The following FDFT1 variants were observed in gnomAD, a reference collection of about 807,000 sequenced individuals.
FDFT1 encodes farnesyl-diphosphate farnesyltransferase 1, also known as squalene synthase.
FDFT1 carries 68 observed loss-of-function variants against 46.8 expected under a neutral mutation model. That is an observed-to-expected ratio of 1.45 (90% confidence interval 1.19 to 1.78). FDFT1 has a LOEUF of 1.78. Ranked by LOEUF, FDFT1 falls within the 40% of genes most tolerant of loss-of-function variation. FDFT1 has a pLI of 0.00. For synonymous variants in FDFT1, 351 were observed against 185.1 expected (o/e 1.90, Z -7.28); for missense variants, 928 against 524.4 (o/e 1.77, Z -7.52).
chr8:11,802,921 A>C lies in FDFT1; in HGVS notation c.89A>C (p.Lys30Thr), dbSNP rs796422642. ...RIGGKRKVMP[K>T]MDQDSLSSSL... ...GGGGGCAAGCGGAAGGTGATGCCCA[A>C]GATGGACCAGGTGGGCCGAGCCTCC... The change falls in exon 1 of 8, where the codon AAG (lysine) becomes ACG (threonine). Residue 30 changes from lysine to threonine, a missense_variant. Transcript: ENST00000220584. 14 of 1,608,436 alleles carry C rather than the reference A, an allele frequency of 8.7e-6. No homozygotes were observed. The highest frequency in any genetic ancestry group is 8.0e-5 in the African/African-American group (6 of 74,820).
chr8:11,805,997 A>G (rs920090834), intron 1 of FDFT1, among the ~76,000 whole-genome samples: 1 of 152,280 alleles, frequency 6.6e-6, no homozygotes, highest in East Asian at 1.9e-4. Context: ...ATGTAAATTT[A>G]TGTAAATTCA....
At chr8:11,814,593 C>G (rs961250152) in intron 3 of FDFT1, among the ~76,000 whole-genome samples, 2 of 152,054 alleles carry the variant, frequency 1.3e-5, no homozygotes, top group Admixed American at 1.3e-4. Flanking sequence ...TTTTGCTAAC[C>G]TATAAACAAT....
chr8:11,819,777 C>T (rs760168809), intron 3 of FDFT1, among the ~76,000 whole-genome samples: 18 of 152,030 alleles, frequency 1.2e-4, no homozygotes, highest in Non-Finnish European at 1.0e-4. Flanking sequence ...AGTTTCCTTG[C>T]GATCGGTCAG....
At chr8:11,816,910 T>C (rs1020790552) in intron 3 of FDFT1, among the ~76,000 whole-genome samples, 1 of 152,212 alleles carries the variant, frequency 6.6e-6, no homozygotes, top group Non-Finnish European at 1.5e-5. Flanking sequence ...CTGTGTTGAA[T>C]AGGAGTGGTG....
In FDFT1 at chr8:11,811,459, AGC is replaced by A. The variant is rs1278653012; in HGVS notation, c.381+1610_381+1611del. Among the ~76,000 whole-genome samples the A allele has an allele frequency of 4.0e-4, 61 of 152,360 alleles. No individual in the cohort carries two copies. In the East Asian group the frequency reaches 9.1e-3, roughly 23 times the overall value. On this transcript the variant is annotated intron_variant, in intron 3 of 7. Transcript: ENST00000220584. ...GTGTTAGGTATTGCTAAGTCAAGGC[AGC>A]CCTATCCCCTCAGCAGAAGTGAGGG... is the stretch of plus-strand genomic sequence containing the variant.
rs144241628 is a variant in FDFT1, at chr8:11,808,799, G to C, written c.105G>C (p.Ser35=). ...RKVMPKMDQD[S]LSSSLKTCYK... The stretch of plus-strand genomic sequence containing the variant: ...TGTGTGTTGTCTGCCCGCAGGACTC[G>C]CTCAGCAGCAGCCTGAAAACTTGCT... Residue 35 remains serine, a synonymous_variant, in exon 2 of 8, where the codon TCG becomes TCC. Transcript: ENST00000220584. 1.2e-5 allele frequency: 20 copies of C among 1,613,338 alleles called. No homozygotes were observed. Among genetic ancestry groups the C allele is most frequent in the East Asian group, 1.1e-4 (5 of 44,872 alleles).
intron 2 of FDFT1, 44 bp from the exon 3 acceptor site, chr8:11,809,623 T>C: frequency 2.0e-6 from 3 of 1,520,840 alleles, no homozygotes; most frequent in Non-Finnish European, 2.7e-6. Context: ...AAAAAATCTT[T>C]GGCTGTTTGT....
chr8:11,802,576 T>A (rs946292863), upstream of FDFT1: 6 of 620,940 alleles, frequency 9.7e-6, no homozygotes, highest in African/African-American at 1.8e-5. Context: ...CGCGACTGAT[T>A]GGCCGGGGTC....
upstream of FDFT1, chr8:11,802,719 C>T: frequency 2.5e-6 from 2 of 800,696 alleles, no homozygotes; most frequent in East Asian, 2.7e-5. Flanking sequence ...ACTAGGCCTG[C>T]CCCCTGTCCG....
At chr8:11,799,636 C>T (rs975235331), upstream of FDFT1, among the ~76,000 whole-genome samples, 43 of 152,202 alleles carry the variant, frequency 2.8e-4, no homozygotes, top group African/African-American at 9.2e-4. Context: ...AATGCTTTTT[C>T]CCTGGTGCTG....
rs771629673 is a variant in FDFT1 at position 11,838,589 on chromosome 8, G to A, written c.1234G>A (p.Val412Ile). The part of the protein sequence containing the change: ...TTLSQVTEDY[V>I]QTGEH ...TCTCTCCCAGGTAACAGAAGACTAT[G>A]TTCAGACTGGAGAACACTGATCCCA... The change falls in exon 8 of 8, where the codon GTT becomes ATT. Residue 412 changes from valine (V) to isoleucine (I), a missense_variant. Val to Ile is a conservative substitution (Grantham distance 29). Coordinates refer to ENST00000220584, the MANE Select transcript of FDFT1 (RefSeq NM_004462.5). 5 of 1,613,822 alleles carry A rather than the reference G, an allele frequency of 3.1e-6. No individual in the cohort carries two copies. Among genetic ancestry groups the A allele is most frequent in the Admixed American group, 1.7e-5 (1 of 59,986 alleles).
At chr8:11,830,450 C>T (rs2294137) in intron 6 of FDFT1, 30 bp downstream of exon 6, 352,521 of 1,540,766 alleles carry the variant, frequency 0.23, 49,452 homozygotes, top group East Asian at 0.76. Flanking sequence ...TGGGTGGATA[C>T]GGGGCTAAAG....
intron 1 of FDFT1, among the ~76,000 whole-genome samples, chr8:11,796,494 C>G (rs1048774477): frequency 3.3e-5 from 5 of 152,156 alleles, no homozygotes; most frequent in Admixed American, 2.6e-4. Context: ...AAATAAGGTT[C>G]TTGATTCGGA....
Position 11,838,556 on chromosome 8 carries a change from C to G in FDFT1, c.1201C>G (p.Leu401Val), listed in dbSNP as rs1811879102. The G allele has an allele frequency of 4.3e-6, 7 of 1,613,608 alleles. No individual in the cohort carries two copies. Among genetic ancestry groups the G allele is most frequent in the Middle Eastern group, 1.6e-4 (1 of 6,062 alleles). Residue 401 changes from leucine to valine, a missense_variant, in exon 8 of 8, where the codon CTG becomes GTG. Coordinates refer to ENST00000220584, the MANE Select transcript of FDFT1 (RefSeq NM_004462.5). ...TTTGGCTGCCCTGAGCTGGCAGTAC[C>G]TGACCACTCTCTCCCAGGTAACAGA... ...MLLAALSWQY[L>V]TTLSQVTEDY...
chr8:11,800,780 T>C (rs1806034964), upstream of FDFT1, among the ~76,000 whole-genome samples: 1 of 152,238 alleles, frequency 6.6e-6, no homozygotes, highest in African/African-American at 2.4e-5. Flanking sequence ...AGTTACTATT[T>C]ATTCCTAATT....
intron 4 of FDFT1, among the ~76,000 whole-genome samples, chr8:11,824,901 AT>A (rs1809755123): frequency 6.6e-6 from 1 of 151,728 alleles, no homozygotes; most frequent in African/African-American, 2.4e-5. Context: ...AGGCCAGCTA[AT>A]TTTTTTGTAT....
exon 1 of FDFT1, chr8:11,795,585 A>T (rs1008618120): frequency 6.6e-6 from 1 of 152,088 alleles, no homozygotes; most frequent in Non-Finnish European, 1.5e-5. Context: ...AAACGGTGGC[A>T]ACACGCTGGG....
intron 3 of FDFT1, among the ~76,000 whole-genome samples, chr8:11,813,211 T>C (rs1807978206): frequency 6.6e-6 from 1 of 152,242 alleles, no homozygotes; most frequent in Admixed American, 6.5e-5. Context: ...AACATCATTA[T>C]ACAGTACATG....
chr8:11,837,910 G>A (rs1811758731), intron 7 of FDFT1, among the ~76,000 whole-genome samples: 1 of 152,154 alleles, frequency 6.6e-6, no homozygotes, highest in Non-Finnish European at 1.5e-5. Flanking sequence ...ACTCCAGGGT[G>A]GTTCATACGG....
Sources: allele counts gnomAD v4.1 joint callset (sites outside exome capture counted in the v4.1 genomes callset), GRCh38; gene constraint gnomAD v4.1.1; transcripts MANE v1.5; gene names NCBI Gene and HGNC (gene_info 2026-07-23, HGNC 2026-07-21).